RBM5: variants seen among roughly 807,000 people sequenced by gnomAD.
The protein encoded by RBM5 is RNA-binding protein 5.
In RBM5, 15 loss-of-function variants were observed where a neutral mutation model predicts 124.6. The observed-to-expected ratio is 0.12, with a 90% CI of 0.08 to 0.19. RBM5 has a LOEUF of 0.19. Among genes scored for constraint, RBM5 ranks in the 10% least tolerant of loss-of-function variants. The pLI is 1.00. For missense variants in RBM5, 580 were observed against 1,026.5 expected, an observed-to-expected ratio of 0.57 and a Z score of 5.94; for synonymous variants, 337 against 361.2, an observed-to-expected ratio of 0.93 and a Z score of 0.76.
intron 22 of RBM5, 131 bp downstream of exon 22, chr3:50,116,111 G>C (rs1001323790): frequency 1.2e-6 from 1 of 824,420 alleles, no homozygotes; most frequent in African/African-American, 1.7e-5. Flanking sequence ...TCTGACCATT[G>C]TAGTTCATGT....
At chr3:50,116,122 A>G in intron 22 of RBM5, 142 bp downstream of exon 22, 1 of 753,104 alleles carries the variant, frequency 1.3e-6, no homozygotes, top group Non-Finnish European at 2.2e-6. Flanking sequence ...TAGTTCATGT[A>G]GCCTAGACCC....
At chr3:50,095,155 C>G (rs1012456323) in intron 4 of RBM5, among the ~76,000 whole-genome samples, 2 of 152,112 alleles carry the variant, frequency 1.3e-5, no homozygotes, top group South Asian at 2.1e-4. Flanking sequence ...GAGCCAAGAT[C>G]ACGCCATTGC....
intron 6 of RBM5, chr3:50,101,826 G>A (rs2090945730): frequency 6.6e-6 from 1 of 152,182 alleles, no homozygotes; most frequent in Non-Finnish European, 1.5e-5. Flanking sequence ...GAAATAAAAG[G>A]CCAGTAGGAT....
chr3:50,118,158 C>T (rs1294058316), intron 24 of RBM5, 173 bp from the exon 25 acceptor site: 12 of 848,526 alleles, frequency 1.4e-5, no homozygotes, highest in Non-Finnish European at 2.1e-5. Flanking sequence ...CCATTTTATT[C>T]CTCCAGTCCT....
At chr3:50,097,115 G>T (rs1231270551) in intron 4 of RBM5, among the ~76,000 whole-genome samples, 1 of 152,140 alleles carries the variant, frequency 6.6e-6, no homozygotes, top group Non-Finnish European at 1.5e-5. Flanking sequence ...CTGAGGGTTG[G>T]CCAGGTGCGG....
rs576717981 is a variant in RBM5, at chr3:50,105,670, G to C, written c.816G>C (p.Gln272His). The stretch of plus-strand genomic sequence containing the variant: ...TCATAAAAGACAAACAGACCCAGCA[G>C]AACAGAGGCTTCGCATTTGTGCAGC... ...IRLIKDKQTQ[Q>H]NRGFAFVQLS... The change falls in exon 10 of 25, where the codon CAG becomes CAC. Residue 272 changes from glutamine (Q) to histidine (H), a missense_variant. Gln to His is a conservative substitution (Grantham distance 24, BLOSUM62 0). Transcript: ENST00000347869. 1 of 1,614,078 alleles carries C rather than the reference G, an allele frequency of 6.2e-7. No homozygotes were observed. Among genetic ancestry groups the C allele is most frequent in the Admixed American group, 1.7e-5 (1 of 59,996 alleles).
At chr3:50,113,620 C>A in intron 18 of RBM5, 76 bp downstream of exon 18, 1 of 1,429,778 alleles carries the variant, frequency 7.0e-7, no homozygotes, top group Admixed American at 2.6e-5. Flanking sequence ...GCATTTATGT[C>A]AGTATTATTT....
At chr3:50,115,128 A>T in intron 20 of RBM5, 1 of 288,524 alleles carries the variant, frequency 3.5e-6, no homozygotes, top group Non-Finnish European at 6.5e-6. Flanking sequence ...AGATTACGCC[A>T]CTGCACTCCA....
chr3:50,117,327 G>A lies in RBM5; in HGVS notation c.2270G>A (p.Arg757Gln), dbSNP rs747766191. ...AAGATGCTGCAGGCCATGGGCTGGC[G>A]GGAAGGCTCTGGCTTGGGACGAAAG... ...GNKMLQAMGW[R>Q]EGSGLGRKCQ... Residue 757 changes from arginine to glutamine, a missense_variant, in exon 24 of 25, where the codon CGG (arginine) becomes CAG (glutamine). Physicochemically the swap from Arg to Gln is conservative, Grantham distance 43. Transcript: ENST00000347869. This position sits in a 1 kb window ranked among gnomAD's most constrained non-coding sequence, Gnocchi z 4.2. 4 of 1,614,114 alleles carry A rather than the reference G, an allele frequency of 2.5e-6. No individual in the cohort carries two copies. Among genetic ancestry groups the A allele is most frequent in the South Asian group, 1.1e-5 (1 of 91,088 alleles).
chr3:50,095,233 G>A (rs988692959), intron 4 of RBM5, among the ~76,000 whole-genome samples: 26 of 152,236 alleles, frequency 1.7e-4, no homozygotes, highest in African/African-American at 6.3e-4. Context: ...CCATATTTAG[G>A]CTTTGAAGCT....
At chr3:50,118,205 T>C in intron 24 of RBM5, 126 bp from the exon 25 acceptor site, 1 of 1,301,290 alleles carries the variant, frequency 7.7e-7, no homozygotes. Context: ...GAAATCCTTG[T>C]CTTCATATAC....
At chr3:50,109,575 T>C in intron 14 of RBM5, 28 bp from the exon 15 acceptor site, 2 of 1,600,080 alleles carry the variant, frequency 1.2e-6, no homozygotes, top group Non-Finnish European at 1.7e-6. Context: ...GTGCCTTGGC[T>C]TTCCCTAACA....
At position 50,108,065 on chromosome 3, in the gene RBM5, T is replaced by C. The variant is rs1228957565; in HGVS notation, c.1042-5T>C. The stretch of plus-strand genomic sequence containing the variant: ...TTGTCTTTGTCTCATTTTGATGTTT[T>C]GTAGTCTCAAAGTGGTGAAGGAGGC... On this transcript the variant is annotated splice_region_variant and splice_polypyrimidine_tract_variant and intron_variant, in intron 12 of 24. Transcript: ENST00000347869. The C allele has an allele frequency of 6.3e-7, 1 of 1,599,238 alleles. No homozygotes were observed. Among genetic ancestry groups the C allele is most frequent in the Non-Finnish European group, 8.6e-7 (1 of 1,166,558 alleles).
At chr3:50,090,231 A>C (rs1375376287) in intron 1 of RBM5, 151 bp from the exon 2 acceptor site, 1 of 537,220 alleles carries the variant, frequency 1.9e-6, no homozygotes, top group Non-Finnish European at 3.3e-6. Flanking sequence ...TAACGTTGAC[A>C]GTTTGTCCCC....
intron 4 of RBM5, among the ~76,000 whole-genome samples, chr3:50,095,070 T>C (rs190338946): frequency 2.6e-5 from 4 of 152,190 alleles, no homozygotes; most frequent in Admixed American, 2.6e-4. Flanking sequence ...TGGTGGTGCA[T>C]ACCTGTAGTC....
At chr3:50,108,170 C>T (rs992578511) in intron 13 of RBM5, 23 bp downstream of exon 13, 3 of 1,601,876 alleles carry the variant, frequency 1.9e-6, no homozygotes, top group Non-Finnish European at 2.6e-6. Context: ...TAGCAGCATC[C>T]ACCTTATAGT....
chr3:50,112,491 G>C (rs961743727), intron 17 of RBM5: 1 of 150,846 alleles, frequency 6.6e-6, no homozygotes, highest in African/African-American at 2.5e-5. Flanking sequence ...GACAGACACT[G>C]TCTCCTGGGT....
chr3:50,118,302 C>T lies in RBM5; in HGVS notation c.2323-29C>T, dbSNP rs376769138. The T allele has an allele frequency of 1.1e-5, 17 of 1,613,408 alleles. No individual in the cohort carries two copies. In the African/African-American group the frequency reaches 2.0e-4, roughly 19 times the overall value. On this transcript the variant is annotated intron_variant, in intron 24 of 24. Transcript: ENST00000347869. ...AGGTGGAGCAGCCCATACCCTACCT[C>T]CCAGCTGACAGTCTCTGTGCTTTCC...
chr3:50,111,837 A>C (rs62263600), intron 17 of RBM5, among the ~76,000 whole-genome samples: 10,648 of 152,118 alleles, frequency 0.07, 393 homozygotes, highest in Non-Finnish European at 0.077. Flanking sequence ...AAAGGGAAAA[A>C]CAACTTTAAC....
Sources: allele counts gnomAD v4.1 joint callset (sites outside exome capture counted in the v4.1 genomes callset), GRCh38; gene constraint gnomAD v4.1.1; non-coding constraint Gnocchi (gnomAD v3.1); transcripts MANE v1.5; gene names NCBI Gene and HGNC (gene_info 2026-07-23, HGNC 2026-07-21).